SHISAL1: variants seen among roughly 807,000 people sequenced by gnomAD.
SHISAL1 encodes the protein shisa like 1.
In SHISAL1, 9 loss-of-function variants were observed where a neutral mutation model predicts 22.6. The ratio of observed to expected loss-of-function variants is 0.40; its 90% CI spans 0.24 to 0.70. The LOEUF is 0.70. Ranked by LOEUF, SHISAL1 falls within the 30% of genes least tolerant of loss-of-function variation. The pLI, the probability that SHISAL1 is intolerant of heterozygous loss-of-function variation, is 0.39. For synonymous variants in SHISAL1, 119 were observed against 115.4 expected (o/e 1.03, Z -0.20); for missense variants, 246 against 270.6 (o/e 0.91, Z 0.64).
chr22:44,296,978 G>C (rs573638347), intron 2 of SHISAL1, 93 bp from the exon 3 acceptor site: 6 of 953,620 alleles, frequency 6.3e-6, no homozygotes, highest in Non-Finnish European at 9.8e-6. Flanking sequence ...CTCAGGTCCT[G>C]CCTGCTTCTT....
chr22:44,325,427 G>A, the SHISAL1 span, among the ~76,000 whole-genome samples: 2 of 152,170 alleles, frequency 1.3e-5, no homozygotes, highest in Non-Finnish European at 2.9e-5. Flanking sequence ...GCATCACCGG[G>A]ACCCAGGTCT....
the SHISAL1 span, among the ~76,000 whole-genome samples, chr22:44,327,367 G>T: frequency 6.6e-6 from 1 of 152,104 alleles, no homozygotes; most frequent in Non-Finnish European, 1.5e-5. Context: ...AGAAAACCTG[G>T]GCTTGTGGGA....
In SHISAL1 at chr22:44,285,525, G is replaced by C. The variant is rs1212059358; in HGVS notation, c.502C>G (p.Pro168Ala). ...GGGGCTTGTGGCAGCGGGCCTGGGG[G>C]AGGCTGCGGCTGTGGGGCCCGCTGA... ...PGQRAPQPQP[P>A]PGPLPQAPQA... Residue 168 changes from proline to alanine, a missense_variant, in exon 4 of 5, where the codon CCC (proline) becomes GCC (alanine). Physicochemically the swap from Pro to Ala is conservative, Grantham distance 27. This residue lies in a region of SHISAL1 where 136 missense variants were observed against 117.5 expected (regional missense o/e 1.16). Coordinates refer to ENST00000381176, the MANE Select transcript of SHISAL1 (RefSeq NM_001099294.2). The C allele has an allele frequency of 6.2e-7, 1 of 1,613,558 alleles. No homozygotes were observed. Among genetic ancestry groups the C allele is most frequent in the Admixed American group, 1.7e-5 (1 of 59,984 alleles).
chr22:44,277,981 A>G (rs1188955877), intron 4 of SHISAL1, among the ~76,000 whole-genome samples: 1 of 152,208 alleles, frequency 6.6e-6, no homozygotes, highest in Non-Finnish European at 1.5e-5. Context: ...CCACACTGGC[A>G]GTGTCCTTGT....
intron 3 of SHISAL1, among the ~76,000 whole-genome samples, chr22:44,288,359 A>G (rs8142990): frequency 0.022 from 3,311 of 152,294 alleles, 126 homozygotes; most frequent in African/African-American, 0.076. Flanking sequence ...TCCAGGGGCC[A>G]GGCGCGGTGG....
chr22:44,294,471 C>T (rs578102653), intron 3 of SHISAL1, among the ~76,000 whole-genome samples: 51 of 152,230 alleles, frequency 3.4e-4, no homozygotes, highest in Non-Finnish European at 6.5e-4. Context: ...AAGATTTTTC[C>T]TTATCATGAA....
intron 4 of SHISAL1, among the ~76,000 whole-genome samples, chr22:44,278,044 G>A (rs568738132): frequency 6.6e-6 from 1 of 152,146 alleles, no homozygotes; most frequent in Non-Finnish European, 1.5e-5. Context: ...TATTGATCCT[G>A]GGTGTGTCTG....
intron 3 of SHISAL1, among the ~76,000 whole-genome samples, chr22:44,294,213 A>C (rs2055371293): frequency 6.6e-6 from 1 of 152,188 alleles, no homozygotes; most frequent in Non-Finnish European, 1.5e-5. Context: ...GGGCTTGCTG[A>C]GTGACTTCAC....
chr22:44,249,804 G>A lies in SHISAL1; in HGVS notation c.*-119C>T, dbSNP rs952961954. The A allele has an allele frequency of 2.0e-5, 14 of 713,530 alleles. No homozygotes were observed. The African/African-American group carries it at 2.4e-4, about 12-fold the overall frequency. The allele number at this position is 713,530 out of a possible 1,614,324, so 44.2% of individuals were successfully genotyped here. A position where few individuals can be genotyped will look rare whatever the true frequency, so the allele number is the denominator to read the frequency against. ...TCTGAGCATGTGGGTTTTGTCTTCTGAACATTGCGAACCATGTGACTTTAA... is the reference window on the plus strand; with the variant it reads ...TCTGAGCATGTGGGTTTTGTCTTCTAAACATTGCGAACCATGTGACTTTAA... On this transcript the variant is annotated intron_variant, in intron 4 of 4. Transcript: ENST00000381176.
intron 4 of SHISAL1, among the ~76,000 whole-genome samples, chr22:44,264,578 T>C (rs12159060): frequency 6.6e-6 from 1 of 152,084 alleles, no homozygotes; most frequent in East Asian, 1.9e-4. Context: ...TCTCAGGGGA[T>C]GTCAGTCCAT....
At chr22:44,249,881 C>T (rs539376774) in intron 4 of SHISAL1, among the ~76,000 whole-genome samples, 196 bp from the exon 5 acceptor site, 3 of 152,148 alleles carry the variant, frequency 2.0e-5, no homozygotes, top group African/African-American at 7.2e-5. Context: ...CCATATAGTA[C>T]TAGAGCTCTG....
Position 44,257,203 on chromosome 22 carries a change from C to T in SHISAL1, c.*-7518G>A, listed in dbSNP as rs183041963. On this transcript the variant is annotated intron_variant, in intron 4 of 4. Transcript: ENST00000381176. ...CACATCCTCTGACCCAGTGGTCTCA[C>T]GTAACGATTATCCTACAGACATGCT... 7.1e-4 allele frequency among the ~76,000 whole-genome samples: 108 copies of T among 152,304 alleles called. 1 individual carries two copies. In the East Asian group the frequency reaches 7.7e-3, roughly 11 times the overall value.
intron 4 of SHISAL1, among the ~76,000 whole-genome samples, chr22:44,283,234 G>T (rs1024030263): frequency 1.3e-4 from 20 of 152,204 alleles, no homozygotes; most frequent in African/African-American, 4.3e-4. Flanking sequence ...CGCTCACAGG[G>T]TGATGGGAAC....
chr22:44,308,280 C>T (rs931758670), intron 1 of SHISAL1, among the ~76,000 whole-genome samples: 1 of 152,252 alleles, frequency 6.6e-6, no homozygotes, highest in Non-Finnish European at 1.5e-5. Flanking sequence ...CTGCCTCTTC[C>T]ATCAACCCAA....
At chr22:44,313,847 A>G (rs981500545), upstream of SHISAL1, among the ~76,000 whole-genome samples, 34 of 152,274 alleles carry the variant, frequency 2.2e-4, no homozygotes, top group African/African-American at 7.9e-4. Context: ...CAGGCCAGAA[A>G]TAAACCTCCT....
chr22:44,327,291 C>T, the SHISAL1 span, among the ~76,000 whole-genome samples: 1 of 151,712 alleles, frequency 6.6e-6, no homozygotes, highest in Non-Finnish European at 1.5e-5. Context: ...CGTGCGCGTA[C>T]ACCAGAGACC....
At chr22:44,294,105 T>C (rs2055370510) in intron 3 of SHISAL1, among the ~76,000 whole-genome samples, 1 of 152,248 alleles carries the variant, frequency 6.6e-6, no homozygotes, top group African/African-American at 2.4e-5. Flanking sequence ...CTCACCCAAG[T>C]CCTGGCACTA....
chr22:44,249,808 A>G, intron 4 of SHISAL1, 123 bp from the exon 5 acceptor site: 2 of 706,504 alleles, frequency 2.8e-6, no homozygotes, highest in Non-Finnish European at 5.2e-6. Flanking sequence ...TCTTCTGAAC[A>G]TTGCGAACCA....
intron 4 of SHISAL1, among the ~76,000 whole-genome samples, chr22:44,275,930 G>C (rs1416771099): frequency 6.6e-6 from 1 of 152,244 alleles, no homozygotes; most frequent in Non-Finnish European, 1.5e-5. Flanking sequence ...GGGGCAGGAA[G>C]ATTCATTCAT....
Sources: allele counts gnomAD v4.1 joint callset (sites outside exome capture counted in the v4.1 genomes callset), GRCh38; gene constraint gnomAD v4.1.1; regional missense constraint gnomAD v4.1.1; transcripts MANE v1.5; gene names NCBI Gene and HGNC (gene_info 2026-07-23, HGNC 2026-07-21).